Variants in PDE4D observed in about 807,000 individuals in gnomAD.
PDE4D encodes the protein 3',5'-cyclic-AMP phosphodiesterase 4D.
A neutral mutation model predicts 87.4 loss-of-function variants in PDE4D; 24 were observed. The ratio of observed to expected loss-of-function variants is 0.27; its 90% CI spans 0.20 to 0.39. PDE4D has a LOEUF of 0.39. Among genes scored for constraint, PDE4D ranks in the 10% least tolerant of loss-of-function variants. PDE4D has a pLI of 1.00. For synonymous variants in PDE4D, 384 were observed against 383.2 expected, an observed-to-expected ratio of 1.00 and a Z score of -0.02; for missense variants, 714 against 1,041.0, an observed-to-expected ratio of 0.69 and a Z score of 4.32.
chr5:59,483,480 A>C (rs1281745893), intron 1 of PDE4D, among the ~76,000 whole-genome samples: 1 of 152,180 alleles, frequency 6.6e-6, no homozygotes, highest in Non-Finnish European at 1.5e-5. Flanking sequence ...TGCCCAGGGC[A>C]AGGAGACTGA....
At chr5:60,196,248 G>A (rs902116990) in intron 1 of PDE4D, among the ~76,000 whole-genome samples, 1 of 151,630 alleles carries the variant, frequency 6.6e-6, no homozygotes, top group Non-Finnish European at 1.5e-5. Flanking sequence ...TTCAGTCATT[G>A]AGCTATAAAT....
intron 1 of PDE4D, among the ~76,000 whole-genome samples, chr5:59,376,666 C>A (rs182144230): frequency 4.6e-5 from 7 of 152,226 alleles, no homozygotes; most frequent in Admixed American, 3.9e-4. Context: ...AGATTCTTCA[C>A]AGAACTAGAA....
intron 5 of PDE4D, among the ~76,000 whole-genome samples, chr5:59,042,504 C>G (rs1032414725): frequency 1.3e-5 from 2 of 152,122 alleles, no homozygotes; most frequent in African/African-American, 4.8e-5. Context: ...TCCCCTCAAC[C>G]CCTGCCAGAG....
intron 1 of PDE4D, among the ~76,000 whole-genome samples, chr5:59,722,909 T>C (rs1410750937): frequency 1.3e-5 from 2 of 152,152 alleles, no homozygotes; most frequent in African/African-American, 4.8e-5. Context: ...CTTTTTCTGT[T>C]GTTGAATGCT....
At chr5:60,086,479 A>G (rs1419006752) in intron 2 of PDE4D, among the ~76,000 whole-genome samples, 1 of 152,200 alleles carries the variant, frequency 6.6e-6, no homozygotes, top group Non-Finnish European at 1.5e-5. Context: ...GAACTAATGC[A>G]TAATTATTCC....
chr5:59,295,178 TA>T (rs2153557570), intron 1 of PDE4D, among the ~76,000 whole-genome samples: 1 of 152,316 alleles, frequency 6.6e-6, no homozygotes, highest in African/African-American at 2.4e-5. Context: ...CAGATATCTA[TA>T]AATGCCATTG....
At chr5:59,794,816 A>T (rs1766270649) in intron 1 of PDE4D, among the ~76,000 whole-genome samples, 2 of 152,160 alleles carry the variant, frequency 1.3e-5, no homozygotes, top group Non-Finnish European at 2.9e-5. Flanking sequence ...TTCATATAAC[A>T]CTTTTTTTCA....
At chr5:58,988,459 A>G (rs1306524918) in intron 11 of PDE4D, 34 bp downstream of exon 11, 1 of 918,160 alleles carries the variant, frequency 1.1e-6, no homozygotes, top group Non-Finnish European at 1.6e-6. Context: ...TGTACAAGGG[A>G]AAAATGTGTT....
chr5:60,061,821 T>G (rs1450005349), intron 2 of PDE4D, among the ~76,000 whole-genome samples: 2 of 152,066 alleles, frequency 1.3e-5, no homozygotes, highest in African/African-American at 4.8e-5. Context: ...GGGGAAAGGA[T>G]TCCCTGTTTA....
chr5:59,318,265 A>G (rs1774107793), intron 1 of PDE4D, among the ~76,000 whole-genome samples: 1 of 152,314 alleles, frequency 6.6e-6, no homozygotes. Context: ...CTGTCATACC[A>G]GAGGAAGTTT....
chr5:60,327,736 C>T (rs34762425), intron 1 of PDE4D, among the ~76,000 whole-genome samples: 1 of 152,076 alleles, frequency 6.6e-6, no homozygotes, highest in Non-Finnish European at 1.5e-5. Flanking sequence ...GAATGCATAC[C>T]TAAACTGCCA....
chr5:60,510,979 T>G (rs972770133), intron 1 of PDE4D, among the ~76,000 whole-genome samples: 10 of 152,100 alleles, frequency 6.6e-5, no homozygotes, highest in Admixed American at 6.5e-4. Flanking sequence ...TTTGTTTTGT[T>G]TTGTTTCTTT....
At chr5:59,928,822 T>G (rs1755567653) in intron 3 of PDE4D, among the ~76,000 whole-genome samples, 1 of 150,740 alleles carries the variant, frequency 6.6e-6, no homozygotes. Flanking sequence ...ATGCTCCATT[T>G]CTATATATTA....
intron 1 of PDE4D, among the ~76,000 whole-genome samples, chr5:59,634,622 G>A (rs1015502651): frequency 6.6e-6 from 1 of 152,172 alleles, no homozygotes; most frequent in African/African-American, 2.4e-5. Flanking sequence ...CAAAAAACCT[G>A]CTCCTGAATG....
chr5:60,273,181 G>A (rs7714765), intron 1 of PDE4D, among the ~76,000 whole-genome samples: 76,139 of 151,816 alleles, frequency 0.5, 20,616 homozygotes, highest in African/African-American at 0.69. Flanking sequence ...AGGATAAGAA[G>A]AGGGCATGTA....
intron 5 of PDE4D, among the ~76,000 whole-genome samples, chr5:59,041,662 G>C (rs1416860339): frequency 6.6e-6 from 1 of 152,122 alleles, no homozygotes; most frequent in Non-Finnish European, 1.5e-5. Flanking sequence ...GCTTTCTGTG[G>C]CTCCTCTCCC....
intron 1 of PDE4D, among the ~76,000 whole-genome samples, chr5:59,789,866 A>G (rs756894753): frequency 1.3e-5 from 2 of 152,216 alleles, no homozygotes; most frequent in Non-Finnish European, 2.9e-5. Flanking sequence ...CTCTGATTTT[A>G]GAGTACACAG....
In PDE4D at chr5:59,203,539, A is replaced by G. The variant is rs73104869; in HGVS notation, c.648-10003T>C. ...ATGTCAAAGAGATACCTGCACTCCC[A>G]TGTTTGGTGCAGCATTAATCACAAT... On this transcript the variant is annotated intron_variant, in intron 2 of 14. Coordinates refer to ENST00000340635, the MANE Select transcript of PDE4D (RefSeq NM_001104631.2). Among the ~76,000 whole-genome samples the G allele has an allele frequency of 7.2e-3, 1,104 of 152,286 alleles. 13 individuals carry two copies. Among genetic ancestry groups the G allele is most frequent in the African/African-American group, 0.025 (1,054 of 41,540 alleles).
intron 5 of PDE4D, among the ~76,000 whole-genome samples, chr5:59,176,719 A>G (rs1783950056): frequency 1.3e-5 from 2 of 152,176 alleles, no homozygotes; most frequent in African/African-American, 2.4e-5. Flanking sequence ...TTTTTTAAAA[A>G]TTAGAGTTGG....
Sources: gnomAD v4.1 joint callset for allele counts (sites outside exome capture counted in the v4.1 genomes callset) on GRCh38, gnomAD v4.1.1 for gene constraint, MANE v1.5 for transcripts, NCBI Gene and HGNC (gene_info 2026-07-23, HGNC 2026-07-21) for gene names.